ZFR: variants seen among roughly 807,000 people sequenced by gnomAD.
The protein encoded by ZFR is zinc finger RNA binding protein, also known as zinc finger RNA-binding protein.
Under a neutral mutation model 130.7 loss-of-function variants are expected in ZFR, and 19 were observed. That is an observed-to-expected ratio of 0.15 (90% CI 0.10 to 0.21). The LOEUF (loss-of-function observed/expected upper bound fraction) is 0.21, where lower values mean the gene tolerates loss of function less well. Among genes scored for constraint, ZFR ranks in the 10% least tolerant of loss-of-function variants. The probability of loss-of-function intolerance (pLI) is 1.00; values close to 1 mark genes in which losing one functional copy is unlikely to be tolerated. For synonymous variants in ZFR, 466 were observed against 456.9 expected (o/e 1.02, Z -0.25); for missense variants, 872 against 1,321.5 (o/e 0.66, Z 5.27).
intron 2 of ZFR, among the ~76,000 whole-genome samples, chr5:32,438,239 G>C (rs2111871359): frequency 1.6e-5 from 2 of 121,768 alleles, no homozygotes; most frequent in East Asian, 4.6e-4. Context: ...GAATGCTACT[G>C]ATTTTATCTG....
chr5:32,372,066 T>G (rs925211917), intron 17 of ZFR, among the ~76,000 whole-genome samples: 1 of 152,174 alleles, frequency 6.6e-6, no homozygotes, highest in African/African-American at 2.4e-5. Flanking sequence ...ATAAAATCCA[T>G]CACATTTGGA....
At chr5:32,405,680 C>G (rs1288255967) in intron 6 of ZFR, among the ~76,000 whole-genome samples, 1 of 152,208 alleles carries the variant, frequency 6.6e-6, no homozygotes, top group South Asian at 2.1e-4. Flanking sequence ...GACCGCCCAT[C>G]ATTCTTGTTC....
At chr5:32,428,614 T>C (rs1439056576) in intron 2 of ZFR, among the ~76,000 whole-genome samples, 1 of 152,186 alleles carries the variant, frequency 6.6e-6, no homozygotes, top group Non-Finnish European at 1.5e-5. Context: ...GTTGGTTGAC[T>C]TACATCATCC....
intron 5 of ZFR, 30 bp from the exon 6 acceptor site, chr5:32,407,051 GTTACATAC>G: frequency 5.6e-6 from 8 of 1,428,130 alleles, no homozygotes; most frequent in Non-Finnish European, 7.4e-6. Flanking sequence ...CAAAAATTAT[GTTACATAC>G]TTATAGAAGG....
intron 2 of ZFR, among the ~76,000 whole-genome samples, chr5:32,422,798 C>CAAAAAAAA (rs10693151): frequency 0.088 from 2,113 of 23,948 alleles, 507 homozygotes; most frequent in East Asian, 0.16. Context: ...AAACCTGTCT[C>CAAAAAAAA]AAAAAAAAAA....
intron 17 of ZFR, among the ~76,000 whole-genome samples, chr5:32,375,585 C>T (rs903299556): frequency 7.2e-5 from 11 of 152,180 alleles, no homozygotes; most frequent in African/African-American, 2.2e-4. Flanking sequence ...TCATGGCTCA[C>T]TGTAGACTTG....
At chr5:32,372,268 C>A (rs954006775) in intron 17 of ZFR, among the ~76,000 whole-genome samples, 2 of 152,150 alleles carry the variant, frequency 1.3e-5, no homozygotes, top group Non-Finnish European at 2.9e-5. Context: ...TGGAACATAG[C>A]ATGAAAACTA....
At chr5:32,383,198 CAATA>C (rs777398452) in intron 15 of ZFR, among the ~76,000 whole-genome samples, 51 of 152,258 alleles carry the variant, frequency 3.3e-4, no homozygotes, top group South Asian at 1.4e-3. Flanking sequence ...ACACAAAGGA[CAATA>C]AATGCCAGGC....
intron 2 of ZFR, among the ~76,000 whole-genome samples, chr5:32,425,808 G>A (rs936221413): frequency 1.3e-5 from 2 of 152,336 alleles, no homozygotes; most frequent in African/African-American, 4.8e-5. Context: ...TTACAGGCAT[G>A]AGCCACCGTG....
intron 8 of ZFR, among the ~76,000 whole-genome samples, chr5:32,401,854 A>G (rs974624845): frequency 1.3e-5 from 2 of 152,224 alleles, no homozygotes; most frequent in Non-Finnish European, 2.9e-5. Context: ...TTTTGTAGAA[A>G]TATTATAGAG....
intron 15 of ZFR, among the ~76,000 whole-genome samples, chr5:32,381,335 C>T (rs2111712210): frequency 6.6e-6 from 1 of 152,204 alleles, no homozygotes; most frequent in South Asian, 2.1e-4. Context: ...ATATTAACAG[C>T]AAATCTGCTA....
Position 32,369,088 on chromosome 5 carries a change from G to T in ZFR, c.2836-4813C>A, listed in dbSNP as rs575983489. Among the ~76,000 whole-genome samples, 5 of 152,326 alleles carry T rather than the reference G, an allele frequency of 3.3e-5. No individual in the cohort carries two copies. In the East Asian group the frequency reaches 9.6e-4, roughly 29 times the overall value. On this transcript the variant is annotated intron_variant, in intron 17 of 19. Coordinates refer to ENST00000265069, the MANE Select transcript of ZFR (RefSeq NM_016107.5). ...GTCTTAATAAAAATGGTCATGTCTT[G>T]CAGGGAAAAGATTTACTTACAGCTT... is the stretch of plus-strand genomic sequence containing the variant.
intron 5 of ZFR, among the ~76,000 whole-genome samples, chr5:32,411,835 T>A (rs907389279): frequency 1.3e-5 from 2 of 151,908 alleles, no homozygotes. Context: ...TTTAAGAGGA[T>A]GTACGTAGGT....
intron 19 of ZFR, among the ~76,000 whole-genome samples, chr5:32,358,891 C>A (rs1228709450): frequency 1.3e-5 from 2 of 152,032 alleles, no homozygotes; most frequent in Admixed American, 1.3e-4. Flanking sequence ...GCTTTTACTT[C>A]ATTTTTCTTT....
chr5:32,433,843 G>A (rs774327121), intron 2 of ZFR, among the ~76,000 whole-genome samples: 2 of 152,200 alleles, frequency 1.3e-5, no homozygotes, highest in African/African-American at 2.4e-5. Context: ...CACTTTGGGA[G>A]GCCAAGGCAG....
At chr5:32,379,833 TA>T (rs1752897520) in intron 16 of ZFR, 1 of 353,912 alleles carries the variant, frequency 2.8e-6, no homozygotes, top group South Asian at 6.9e-5. Context: ...CCACTAAAAA[TA>T]AAAAATAAAA....
intron 3 of ZFR, among the ~76,000 whole-genome samples, chr5:32,418,572 A>AG (rs1472724649): frequency 4.6e-5 from 7 of 152,214 alleles, no homozygotes; most frequent in Non-Finnish European, 5.9e-5. Context: ...CTGAAGTAGC[A>AG]GGTAGGGCCC....
chr5:32,415,526 G>GCGCGTGCA (rs1753807700), intron 4 of ZFR, among the ~76,000 whole-genome samples: 1 of 151,310 alleles, frequency 6.6e-6, no homozygotes, highest in African/African-American at 2.4e-5. Flanking sequence ...GCGCGCGCGC[G>GCGCGTGCA]CGCGCGCACT....
chr5:32,410,953 T>C (rs11743724), intron 5 of ZFR, among the ~76,000 whole-genome samples: 22,217 of 152,222 alleles, frequency 0.15, 1,945 homozygotes, highest in African/African-American at 0.24. Flanking sequence ...AGTGGGCAAA[T>C]GTACAAATCT....
Sources: allele counts gnomAD v4.1 joint callset (sites outside exome capture counted in the v4.1 genomes callset), GRCh38; gene constraint gnomAD v4.1.1; transcripts MANE v1.5; gene names NCBI Gene and HGNC (gene_info 2026-07-23, HGNC 2026-07-21).